The following LRMDA variants were observed in gnomAD, a reference collection of about 807,000 sequenced individuals.
The protein encoded by LRMDA is leucine-rich melanocyte differentiation-associated protein.
LRMDA carries 18 observed loss-of-function variants against 29.8 expected under a neutral mutation model. That is an observed-to-expected ratio of 0.60 (90% CI 0.42 to 0.90). The LOEUF (loss-of-function observed/expected upper bound fraction) is 0.90, where lower values mean the gene tolerates loss of function less well. Ranked by LOEUF, LRMDA falls within the 40% of genes least tolerant of loss-of-function variation. LRMDA has a pLI of 0.00. For synonymous variants in LRMDA, 125 were observed against 109.4 expected, an observed-to-expected ratio of 1.14 and a Z score of -0.89; for missense variants, 273 against 273.9, an observed-to-expected ratio of 1.00 and a Z score of 0.02.
chr10:76,338,188 C>T (rs1158455559), intron 6 of LRMDA, among the ~76,000 whole-genome samples: 4 of 151,498 alleles, frequency 2.6e-5, no homozygotes, highest in Non-Finnish European at 5.9e-5. Flanking sequence ...ACAAATGCAA[C>T]AGAGTTTCAA....
chr10:75,924,029 C>T (rs1846073832), intron 2 of LRMDA, among the ~76,000 whole-genome samples: 1 of 152,150 alleles, frequency 6.6e-6, no homozygotes. Flanking sequence ...AGAGATATTC[C>T]TTTTGCTCTC....
chr10:75,713,700 G>C (rs1842464982), intron 2 of LRMDA, among the ~76,000 whole-genome samples: 1 of 152,146 alleles, frequency 6.6e-6, no homozygotes, highest in Non-Finnish European at 1.5e-5. Flanking sequence ...AAGTTTGAGA[G>C]TCTTCTTTTC....
intron 2 of LRMDA, among the ~76,000 whole-genome samples, chr10:75,799,397 C>T (rs935278489): frequency 3.9e-5 from 6 of 151,930 alleles, no homozygotes; most frequent in Non-Finnish European, 7.4e-5. Flanking sequence ...TTTTTTGCAG[C>T]CTATATATGT....
rs545766418 is a variant in LRMDA at position 75,452,141 on chromosome 10, G to A, written c.131+13647G>A. Among the ~76,000 whole-genome samples, 18 of 152,264 alleles carry A rather than the reference G, an allele frequency of 1.2e-4. No individual in the cohort carries two copies. In the South Asian group the frequency reaches 2.5e-3, roughly 21 times the overall value. On this transcript the variant is annotated intron_variant, in intron 2 of 6. Coordinates refer to ENST00000611255, the MANE Select transcript of LRMDA (RefSeq NM_001305581.2). ...CAGCGTTGTTGGAGAGGTCAAGGGA[G>A]GGGCTCCAGTGCAGACCCTCTGCTC...
chr10:76,347,489 T>C (rs1203426447), intron 6 of LRMDA, among the ~76,000 whole-genome samples: 4 of 152,184 alleles, frequency 2.6e-5, no homozygotes, highest in Admixed American at 2.0e-4. Flanking sequence ...GATACCTCCG[T>C]GTGACTGCAT....
At chr10:76,422,525 C>T (rs1470536367) in intron 6 of LRMDA, among the ~76,000 whole-genome samples, 10 of 152,180 alleles carry the variant, frequency 6.6e-5, no homozygotes, top group Non-Finnish European at 1.5e-4. Context: ...CCGCCATGCT[C>T]TCCTCAGTCT....
At chr10:76,014,040 G>A (rs1847831312) in intron 2 of LRMDA, among the ~76,000 whole-genome samples, 1 of 146,554 alleles carries the variant, frequency 6.8e-6, no homozygotes, top group South Asian at 2.2e-4. Flanking sequence ...CCATTCTAGA[G>A]AAGAAGTTGG....
chr10:75,750,928 G>A lies in LRMDA; in HGVS notation c.132-285080G>A, dbSNP rs1027069145. Among the ~76,000 whole-genome samples the A allele has an allele frequency of 7.2e-5, 11 of 152,356 alleles. No homozygotes were observed. The East Asian group carries it at 2.1e-3, about 29-fold the overall frequency. Reference sequence around the variant, plus strand: ...CCAGACGGGGTGGCGGCCGGGCAGAGGCTGCAATCTCTGCACTTTGGGAGG... The same window carrying A: ...CCAGACGGGGTGGCGGCCGGGCAGAAGCTGCAATCTCTGCACTTTGGGAGG... On this transcript the variant is annotated intron_variant, in intron 2 of 6. Transcript: ENST00000611255.
At chr10:76,156,554 A>G (rs1179149770) in intron 5 of LRMDA, among the ~76,000 whole-genome samples, 1 of 145,054 alleles carries the variant, frequency 6.9e-6, no homozygotes. Context: ...GATGACAGGA[A>G]GAGTTGCTGA....
At chr10:76,247,806 C>G (rs1852402793) in intron 5 of LRMDA, among the ~76,000 whole-genome samples, 1 of 152,166 alleles carries the variant, frequency 6.6e-6, no homozygotes, top group African/African-American at 2.4e-5. Flanking sequence ...GTCCTACCCT[C>G]TTCTTGACAC....
intron 2 of LRMDA, among the ~76,000 whole-genome samples, chr10:75,992,243 TGTGCTTGTGAATG>T (rs1847383499): frequency 6.6e-6 from 1 of 152,138 alleles, no homozygotes; most frequent in Non-Finnish European, 1.5e-5. Context: ...ACATCTCCTT[TGTGCTTGTGAATG>T]GTGCCATCCC....
At position 76,182,120 on chromosome 10, in the gene LRMDA, T is replaced by A. The variant is rs890187902; in HGVS notation, c.516+123337T>A. ...TGAAGAAGTACTTGAGACTGGGTAA[T>A]TTATAAAGGAAGGAGGTTTAATTGA... On this transcript the variant is annotated intron_variant, in intron 5 of 6. Transcript: ENST00000611255. 8.5e-5 allele frequency among the ~76,000 whole-genome samples: 13 copies of A among 152,112 alleles called. 1 individual carries two copies. Among genetic ancestry groups the A allele is most frequent in the Non-Finnish European group, 1.8e-4 (12 of 68,020 alleles).
chr10:76,318,363 G>A (rs1422403776), intron 5 of LRMDA: 1 of 152,178 alleles, frequency 6.6e-6, no homozygotes, highest in Non-Finnish European at 1.5e-5. Flanking sequence ...GGCAGAACTG[G>A]GCCCCCTGTA....
chr10:76,251,590 C>T (rs1852485593), intron 5 of LRMDA, among the ~76,000 whole-genome samples: 1 of 152,188 alleles, frequency 6.6e-6, no homozygotes, highest in Non-Finnish European at 1.5e-5. Context: ...CATTTAGCAA[C>T]AGCACAAAGC....
At chr10:75,692,219 AATATAT>A (rs57600678) in intron 2 of LRMDA, among the ~76,000 whole-genome samples, 4,481 of 87,448 alleles carry the variant, frequency 0.051, 148 homozygotes, top group East Asian at 0.16. Context: ...AAAAAAAAAA[AATATAT>A]ATATATATAT....
At chr10:76,528,822 T>G (rs1281076849) in intron 6 of LRMDA, among the ~76,000 whole-genome samples, 2 of 152,156 alleles carry the variant, frequency 1.3e-5, no homozygotes, top group Non-Finnish European at 2.9e-5. Context: ...ACAGACTGGC[T>G]CCCATCCTCA....
intron 2 of LRMDA, among the ~76,000 whole-genome samples, chr10:75,936,006 A>G (rs1846285233): frequency 6.6e-6 from 1 of 151,924 alleles, no homozygotes; most frequent in Admixed American, 6.6e-5. Flanking sequence ...TTTTTATTTT[A>G]TTTTATTTTA....
intron 2 of LRMDA, among the ~76,000 whole-genome samples, chr10:75,576,346 C>G (rs76176838): frequency 6.6e-6 from 1 of 152,174 alleles, no homozygotes. Flanking sequence ...CAGGGCATCT[C>G]TCAAAAAAAG....
intron 2 of LRMDA, among the ~76,000 whole-genome samples, chr10:76,017,674 A>G (rs1312972932): frequency 6.6e-6 from 1 of 152,116 alleles, no homozygotes; most frequent in Non-Finnish European, 1.5e-5. Flanking sequence ...GCTACTTCCC[A>G]TGGAGAAAGT....
Sources: allele counts gnomAD v4.1 joint callset (sites outside exome capture counted in the v4.1 genomes callset), GRCh38; gene constraint gnomAD v4.1.1; transcripts MANE v1.5; gene names NCBI Gene and HGNC (gene_info 2026-07-23, HGNC 2026-07-21).